PEX7: variants seen among roughly 807,000 people sequenced by gnomAD.
The protein encoded by PEX7 is PTS2 receptor.
A neutral mutation model predicts 47.5 loss-of-function variants in PEX7; 34 were observed. That is an observed-to-expected ratio of 0.72 (90% CI 0.54 to 0.95). The LOEUF (loss-of-function observed/expected upper bound fraction) is 0.95, where lower values mean the gene tolerates loss of function less well. Ranked by LOEUF, PEX7 falls within the 40% of genes least tolerant of loss-of-function variation. PEX7 has a pLI of 0.00. For synonymous variants in PEX7, 141 were observed against 148.8 expected (o/e 0.95, Z 0.38); for missense variants, 394 against 400.3 (o/e 0.98, Z 0.13).
chr6:136,838,434 A>G (rs1409164913), intron 3 of PEX7, among the ~76,000 whole-genome samples: 1 of 152,214 alleles, frequency 6.6e-6, no homozygotes, highest in Non-Finnish European at 1.5e-5. Flanking sequence ...GATGTGGGGC[A>G]GAAAGAGCAA....
chr6:136,849,648 T>A (rs1195674327), intron 5 of PEX7, among the ~76,000 whole-genome samples: 1 of 152,204 alleles, frequency 6.6e-6, no homozygotes, highest in African/African-American at 2.4e-5. Context: ...TCAGTGTCCA[T>A]GTAGTTCTGT....
At chr6:136,870,688 C>T (rs1436021266) in intron 7 of PEX7, 3 of 369,286 alleles carry the variant, frequency 8.1e-6, no homozygotes, top group South Asian at 2.0e-5. Flanking sequence ...TATGTTATTC[C>T]TACTATTTAA....
intron 5 of PEX7, among the ~76,000 whole-genome samples, chr6:136,853,929 C>G (rs1774807818): frequency 6.6e-6 from 1 of 152,082 alleles, no homozygotes; most frequent in South Asian, 2.1e-4. Flanking sequence ...TAAGCTAAGT[C>G]ATAGCTTTTT....
intron 5 of PEX7, among the ~76,000 whole-genome samples, chr6:136,847,667 T>C (rs575055233): frequency 6.6e-6 from 1 of 151,692 alleles, no homozygotes; most frequent in African/African-American, 2.4e-5. Flanking sequence ...ATATGCGGCA[T>C]TATTTCTGAG....
chr6:136,909,848 A>G (rs889177874), intron 9 of PEX7, among the ~76,000 whole-genome samples: 3 of 152,208 alleles, frequency 2.0e-5, no homozygotes, highest in Non-Finnish European at 4.4e-5. Context: ...GAGAGTGCCG[A>G]ATAAGGTTTC....
intron 8 of PEX7, among the ~76,000 whole-genome samples, chr6:136,890,794 G>A (rs1775540284): frequency 6.6e-6 from 1 of 152,176 alleles, no homozygotes; most frequent in African/African-American, 2.4e-5. Flanking sequence ...ACATTTAGGT[G>A]TGGGGTGAAG....
rs750899460 is a variant in PEX7 at position 136,826,329 on chromosome 6, A to C, written c.199A>C (p.Asn67His). 6.2e-7 allele frequency: 1 copy of C among 1,613,876 alleles called. No individual in the cohort carries two copies. The highest frequency in any genetic ancestry group is 1.1e-5 in the South Asian group (1 of 91,056). Residue 67 changes from asparagine (N) to histidine (H), a missense_variant, in exon 3 of 10, where the codon AAT becomes CAT. Transcript: ENST00000318471. ...GLRLFRSFDW[N>H]DGLFDVTWSE... is the part of the protein sequence containing the mutation. Reference sequence around the variant, plus strand: ...TTTTTCCTAGTGTAGCTTTGACTGGAATGATGGTTTGTTTGATGTGACTTG... The same window carrying C: ...TTTTTCCTAGTGTAGCTTTGACTGGCATGATGGTTTGTTTGATGTGACTTG...
chr6:136,850,079 G>A (rs542509457), intron 5 of PEX7, among the ~76,000 whole-genome samples: 3 of 152,052 alleles, frequency 2.0e-5, no homozygotes, highest in East Asian at 3.9e-4. Context: ...AGCTCTTCTT[G>A]TTGCATTGAT....
intron 7 of PEX7, 41 bp from the exon 8 acceptor site, chr6:136,872,157 T>C (rs1775192509): frequency 6.5e-7 from 1 of 1,543,088 alleles, no homozygotes; most frequent in Non-Finnish European, 8.9e-7. Flanking sequence ...TAATCACAGC[T>C]GACTTCAAAA....
chr6:136,839,912 G>A (rs1774464209), intron 3 of PEX7, among the ~76,000 whole-genome samples: 1 of 152,186 alleles, frequency 6.6e-6, no homozygotes, highest in African/African-American at 2.4e-5. Flanking sequence ...AATGTGGTAA[G>A]CGCTGTGAAT....
chr6:136,911,493 C>T (rs1775931939), intron 9 of PEX7, among the ~76,000 whole-genome samples: 1 of 151,996 alleles, frequency 6.6e-6, no homozygotes, highest in African/African-American at 2.4e-5. Flanking sequence ...GCAACCTCTG[C>T]CTCCCAGGTT....
rs899120066 is a variant in PEX7, at chr6:136,913,763, T to C, written c.*237T>C. On this transcript the variant is annotated 3_prime_UTR_variant, in exon 10 of 10. Coordinates refer to ENST00000318471, the MANE Select transcript of PEX7 (RefSeq NM_000288.4). ...GAAATAATTAATGTTATGATATATC[T>C]TGTAGTATCTATTAAAATGTCTCTG... 2.5e-5 allele frequency: 12 copies of C among 486,128 alleles called. No individual in the cohort carries two copies. Among genetic ancestry groups the C allele is most frequent in the Middle Eastern group, 1.1e-3 (2 of 1,842 alleles). The allele number at this position is 486,128 out of a possible 1,614,324, so 30.1% of individuals were successfully genotyped here.
At chr6:136,842,238 G>T (rs1648871191) in intron 3 of PEX7, among the ~76,000 whole-genome samples, 1 of 150,700 alleles carries the variant, frequency 6.6e-6, no homozygotes, top group Non-Finnish European at 1.5e-5. Context: ...CAAGTGACCT[G>T]CCCGCCTTGG....
At chr6:136,859,509 G>A (rs754658083) in intron 5 of PEX7, among the ~76,000 whole-genome samples, 1 of 151,912 alleles carries the variant, frequency 6.6e-6, no homozygotes, top group Non-Finnish European at 1.5e-5. Context: ...AGCAAACCTC[G>A]TTCTACTGTA....
chr6:136,889,759 T>C (rs1019423644), intron 8 of PEX7, among the ~76,000 whole-genome samples: 2 of 152,190 alleles, frequency 1.3e-5, no homozygotes, highest in Non-Finnish European at 2.9e-5. Context: ...GAGCATATTC[T>C]TTAGAAATAT....
intron 5 of PEX7, among the ~76,000 whole-genome samples, chr6:136,858,471 A>G (rs11963487): frequency 0.043 from 6,586 of 152,294 alleles, 166 homozygotes; most frequent in African/African-American, 0.078. Context: ...CAGCGATTCT[A>G]GAATCTGGCT....
At chr6:136,824,178 A>G (rs1774143006) in intron 1 of PEX7, among the ~76,000 whole-genome samples, 1 of 152,122 alleles carries the variant, frequency 6.6e-6, no homozygotes. Context: ...TGAGTCTATA[A>G]TGGTAGTAGT....
chr6:136,860,754 A>C (rs1197058226), intron 5 of PEX7, among the ~76,000 whole-genome samples: 1 of 152,164 alleles, frequency 6.6e-6, no homozygotes, highest in East Asian at 1.9e-4. Flanking sequence ...TTGAAGTATA[A>C]TACACATATT....
At chr6:136,826,492 C>T in intron 3 of PEX7, 23 bp downstream of exon 3, 1 of 1,613,666 alleles carries the variant, frequency 6.2e-7, no homozygotes, top group Non-Finnish European at 8.5e-7. Flanking sequence ...TCTTTCTGGG[C>T]TGATTATTTT....
Sources: gnomAD v4.1 joint callset for allele counts (sites outside exome capture counted in the v4.1 genomes callset) on GRCh38, gnomAD v4.1.1 for gene constraint, MANE v1.5 for transcripts, NCBI Gene and HGNC (gene_info 2026-07-23, HGNC 2026-07-21) for gene names.